Variants in KIF18A observed in about 807,000 individuals in gnomAD.
The protein encoded by KIF18A is kinesin-like protein KIF18A.
KIF18A carries 67 observed loss-of-function variants against 103.3 expected under a neutral mutation model. That is an observed-to-expected ratio of 0.65 (90% CI 0.53 to 0.79). KIF18A has a LOEUF of 0.79. KIF18A is among the 30% of genes least tolerant of loss of function. The pLI, the probability that KIF18A is intolerant of heterozygous loss-of-function variation, is 0.00. For synonymous variants in KIF18A, 367 were observed against 355.5 expected, an observed-to-expected ratio of 1.03 and a Z score of -0.36; for missense variants, 1,032 against 1,062.5, an observed-to-expected ratio of 0.97 and a Z score of 0.40.
chr11:28,095,613 T>A (rs1851357796), intron 2 of KIF18A, among the ~76,000 whole-genome samples: 1 of 152,226 alleles, frequency 6.6e-6, no homozygotes, highest in Non-Finnish European at 1.5e-5. Context: ...TAGATGCCAT[T>A]TATAAGATTC....
chr11:28,086,421 A>G (rs1851228858), intron 6 of KIF18A, among the ~76,000 whole-genome samples: 1 of 152,252 alleles, frequency 6.6e-6, no homozygotes, highest in South Asian at 2.1e-4. Flanking sequence ...AAGTAAAAGT[A>G]ACAAATAAAT....
chr11:28,091,326 G>A, intron 4 of KIF18A, 83 bp downstream of exon 4: 1 of 650,504 alleles, frequency 1.5e-6, no homozygotes, highest in South Asian at 2.3e-5. Context: ...CAAACAGGAT[G>A]GAAAGTAAGT....
intron 10 of KIF18A, among the ~76,000 whole-genome samples, chr11:28,073,095 A>G (rs1851041976): frequency 6.6e-6 from 1 of 152,092 alleles, no homozygotes; most frequent in African/African-American, 2.4e-5. Flanking sequence ...ATCTATTGTT[A>G]ATAATTCCTA....
chr11:28,042,218 A>G (rs1850569328), intron 13 of KIF18A, among the ~76,000 whole-genome samples: 1 of 151,872 alleles, frequency 6.6e-6, no homozygotes. Context: ...GAACAAAAGT[A>G]GCAGATAGAG....
chr11:28,097,306 A>G (rs2133565643), intron 2 of KIF18A: 1 of 221,648 alleles, frequency 4.5e-6, no homozygotes, highest in Non-Finnish European at 8.9e-6. Flanking sequence ...GAAAAGTTAT[A>G]AATACAGGTT....
intron 6 of KIF18A, among the ~76,000 whole-genome samples, chr11:28,085,829 A>G (rs1851220907): frequency 6.6e-6 from 1 of 152,170 alleles, no homozygotes; most frequent in Non-Finnish European, 1.5e-5. Context: ...ACACCTGCCA[A>G]GTCCCGTAGG....
In KIF18A at chr11:28,036,431, A is replaced by C; in HGVS notation, c.2182T>G (p.Phe728Val). The stretch of plus-strand genomic sequence containing the variant: ...CTGATAGCCTGAAAACTTGTAGTAA[A>C]TGATGATGGTTTCATTAAGGTTACT... ...STVTLMKPSS[F>V]TTSFQAISSN... Residue 728 changes from phenylalanine to valine, a missense_variant, in exon 14 of 17, where the codon TTT becomes GTT. Transcript: ENST00000263181. The C allele has an allele frequency of 6.2e-7, 1 of 1,611,048 alleles. No individual in the cohort carries two copies. The highest frequency in any genetic ancestry group is 8.5e-7 in the Non-Finnish European group (1 of 1,178,034).
intron 9 of KIF18A, among the ~76,000 whole-genome samples, chr11:28,079,084 T>G (rs982724656): frequency 2.0e-5 from 3 of 152,034 alleles, no homozygotes; most frequent in African/African-American, 7.2e-5. Flanking sequence ...AACATCCAAA[T>G]AAATACTTAT....
intron 1 of KIF18A, among the ~76,000 whole-genome samples, chr11:28,102,248 A>T (rs993433985): frequency 6.6e-6 from 1 of 152,154 alleles, no homozygotes; most frequent in Admixed American, 6.5e-5. Flanking sequence ...TTCCTCTGCA[A>T]AATAAAACTT....
intron 1 of KIF18A, among the ~76,000 whole-genome samples, chr11:28,107,705 C>T (rs953446313): frequency 6.6e-6 from 1 of 152,114 alleles, no homozygotes; most frequent in African/African-American, 2.4e-5. Context: ...CAAAACACTC[C>T]CAATTTGGAG....
chr11:28,058,890 A>G (rs777733450), intron 13 of KIF18A, 36 bp downstream of exon 13: 3 of 1,437,942 alleles, frequency 2.1e-6, no homozygotes, highest in Admixed American at 3.4e-5. Flanking sequence ...TTTAGAAATA[A>G]TGTTACTATT....
intron 11 of KIF18A, among the ~76,000 whole-genome samples, chr11:28,065,506 C>CA (rs1487227675): frequency 6.6e-6 from 1 of 151,966 alleles, no homozygotes; most frequent in Admixed American, 6.6e-5. Context: ...ATCTAGAAGA[C>CA]AGATTGCTAG....
intron 3 of KIF18A, among the ~76,000 whole-genome samples, 156 bp downstream of exon 3, chr11:28,094,487 A>AAG (rs945732605): frequency 1.3e-5 from 2 of 152,168 alleles, no homozygotes; most frequent in East Asian, 3.9e-4. Flanking sequence ...TAAAAAAAAA[A>AAG]AAAATTAACA....
intron 9 of KIF18A, among the ~76,000 whole-genome samples, chr11:28,080,907 C>A (rs1851157502): frequency 6.6e-6 from 1 of 152,176 alleles, no homozygotes; most frequent in African/African-American, 2.4e-5. Flanking sequence ...CTCCAGTGAA[C>A]ACACACACTA....
At chr11:28,089,189 T>C (rs1169844723) in intron 5 of KIF18A, among the ~76,000 whole-genome samples, 3 of 152,206 alleles carry the variant, frequency 2.0e-5, no homozygotes, top group African/African-American at 4.8e-5. Context: ...CAAACCTGTA[T>C]ATGTCCTCAT....
chr11:28,087,066 T>C (rs1389475568), intron 6 of KIF18A, among the ~76,000 whole-genome samples: 3 of 152,176 alleles, frequency 2.0e-5, no homozygotes, highest in African/African-American at 7.2e-5. Flanking sequence ...AAAGCTTTTT[T>C]AAAAAAATTA....
chr11:28,102,318 A>G (rs1232863123), intron 1 of KIF18A, among the ~76,000 whole-genome samples: 1 of 152,228 alleles, frequency 6.6e-6, no homozygotes, highest in Admixed American at 6.5e-5. Flanking sequence ...GTCTTTAGAC[A>G]AACTCAACCA....
In KIF18A at chr11:28,088,739, A is replaced by G. The variant is rs1851264729; in HGVS notation, c.700-18T>C. On this transcript the variant is annotated intron_variant, in intron 5 of 16. Transcript: ENST00000263181. Reference sequence around the variant, plus strand: ...AAGTAAATCTTTTTGAAATTACAAAATAGAAAAAAATGAGGATAAGATTTA... The same window carrying G: ...AAGTAAATCTTTTTGAAATTACAAAGTAGAAAAAAATGAGGATAAGATTTA... The G allele has an allele frequency of 1.3e-6, 2 of 1,585,742 alleles. No individual in the cohort carries two copies. The highest frequency in any genetic ancestry group is 8.6e-7 in the Non-Finnish European group (1 of 1,157,798).
At chr11:28,031,704 CTG>C (rs1007756179) in intron 15 of KIF18A, among the ~76,000 whole-genome samples, 1 of 150,760 alleles carries the variant, frequency 6.6e-6, no homozygotes, top group Non-Finnish European at 1.5e-5. Flanking sequence ...TCTCAAAAAA[CTG>C]GGTATAGAAG....
Sources: allele counts gnomAD v4.1 joint callset (sites outside exome capture counted in the v4.1 genomes callset), GRCh38; gene constraint gnomAD v4.1.1; transcripts MANE v1.5; gene names NCBI Gene and HGNC (gene_info 2026-07-23, HGNC 2026-07-21).